Variants in SIK3 observed in about 807,000 individuals in gnomAD.
The protein encoded by SIK3 is serine/threonine-protein kinase SIK3.
A neutral mutation model predicts 144.2 loss-of-function variants in SIK3; 28 were observed. That is an observed-to-expected ratio of 0.19 (90% CI 0.14 to 0.27). The LOEUF is 0.27. Among genes scored for constraint, SIK3 ranks in the 10% least tolerant of loss-of-function variants. The pLI is 1.00. For synonymous variants in SIK3, 686 were observed against 676.3 expected, an observed-to-expected ratio of 1.01 and a Z score of -0.22; for missense variants, 1,319 against 1,776.0, an observed-to-expected ratio of 0.74 and a Z score of 4.62.
At position 117,085,783 on chromosome 11, in the gene SIK3, G is replaced by A. The variant is rs367683379; in HGVS notation, c.273+12360C>T. Among the ~76,000 whole-genome samples the A allele has an allele frequency of 1.6e-4, 24 of 152,104 alleles. No individual in the cohort carries two copies. In the South Asian group the frequency reaches 3.1e-3, roughly 20 times the overall value. ...GCGAACTGCCTGAGCTCAGGAATTC[G>A]AGACCATCCTGGCCAACATGGCGAA... On this transcript the variant is annotated intron_variant, in intron 1 of 24. Coordinates refer to ENST00000445177, the MANE Select transcript of SIK3 (RefSeq NM_001366686.3).
Position 117,049,554 on chromosome 11 carries a change from G to A in SIK3, c.273+48589C>T, listed in dbSNP as rs116196469. 6.7e-3 allele frequency among the ~76,000 whole-genome samples: 1,022 copies of A among 152,140 alleles called. 19 individuals are homozygous for A. Among genetic ancestry groups the A allele is most frequent in the African/African-American group, 0.023 (942 of 41,514 alleles). ...GATCGCGCCACTGCATACCAGCCTAGGTGACACAGCAAGGCTCCATCTCAA... is the reference window on the plus strand; with the variant it reads ...GATCGCGCCACTGCATACCAGCCTAAGTGACACAGCAAGGCTCCATCTCAA... On this transcript the variant is annotated intron_variant, in intron 1 of 24. Transcript: ENST00000445177.
At chr11:117,042,778 G>A (rs150625692) in intron 1 of SIK3, among the ~76,000 whole-genome samples, 14 of 152,160 alleles carry the variant, frequency 9.2e-5, no homozygotes, top group African/African-American at 3.1e-4. Flanking sequence ...GTGCAACAGC[G>A]TGAAGGAAAA....
At chr11:116,973,137 C>A (rs1183785685) in intron 1 of SIK3, among the ~76,000 whole-genome samples, 2 of 152,156 alleles carry the variant, frequency 1.3e-5, no homozygotes, top group Non-Finnish European at 2.9e-5. Context: ...CCTTCTGAGA[C>A]CCTGAGCAGA....
chr11:117,087,345 A>C (rs2134055239), intron 1 of SIK3, among the ~76,000 whole-genome samples: 1 of 152,196 alleles, frequency 6.6e-6, no homozygotes, highest in Admixed American at 6.5e-5. Context: ...AGGGAAGCTG[A>C]GGCAAGAGAA....
At position 117,030,791 on chromosome 11, in the gene SIK3, C is replaced by G. The variant is rs961652622; in HGVS notation, c.273+67352G>C. 5.3e-5 allele frequency among the ~76,000 whole-genome samples: 8 copies of G among 152,196 alleles called. 2 individuals are homozygous for G. Among genetic ancestry groups the G allele is most frequent in the Admixed American group, 5.2e-4 (8 of 15,272 alleles). ...GCTCAGGTGATCCTCCCACCTCAAC[C>G]TCGCAAAGTACTAGGATTACAGGTG... On this transcript the variant is annotated intron_variant, in intron 1 of 24. Transcript: ENST00000445177.
At position 116,896,316 on chromosome 11, in the gene SIK3, G is replaced by A. The variant is rs756275261; in HGVS notation, c.802C>T (p.Leu268=). Residue 268 remains leucine (L), a synonymous_variant, in exon 6 of 25, where the codon CTG becomes TTG. Transcript: ENST00000445177. ...AGCACGCGGGCCCGCAGATTCTGCAGTGTGCTTCCATCAAATGGCAGGGCA... is the reference window on the plus strand; with the variant it reads ...AGCACGCGGGCCCGCAGATTCTGCAATGTGCTTCCATCAAATGGCAGGGCA... The part of the protein sequence containing the change: ...CGALPFDGST[L]QNLRARVLSG... The A allele has an allele frequency of 6.2e-7, 1 of 1,614,076 alleles. No individual in the cohort carries two copies. Among genetic ancestry groups the A allele is most frequent in the Non-Finnish European group, 8.5e-7 (1 of 1,179,968 alleles).
intron 1 of SIK3, among the ~76,000 whole-genome samples, chr11:117,000,090 T>G (rs1324299042): frequency 6.6e-6 from 1 of 152,208 alleles, no homozygotes; most frequent in Non-Finnish European, 1.5e-5. Context: ...TATTAGATAG[T>G]TATAATTTTT....
At chr11:117,007,727 A>G (rs763096330) in intron 1 of SIK3, among the ~76,000 whole-genome samples, 3 of 152,206 alleles carry the variant, frequency 2.0e-5, no homozygotes, top group Admixed American at 2.0e-4. Flanking sequence ...ACATTAGATG[A>G]ACTGTAAGAG....
chr11:116,925,529 G>A (rs1947230073), intron 4 of SIK3, among the ~76,000 whole-genome samples: 1 of 152,206 alleles, frequency 6.6e-6, no homozygotes, highest in Non-Finnish European at 1.5e-5. Context: ...TTCACCCTGT[G>A]AGACCCAGCT....
At chr11:117,032,086 C>T (rs1952287291) in intron 1 of SIK3, among the ~76,000 whole-genome samples, 1 of 152,134 alleles carries the variant, frequency 6.6e-6, no homozygotes, top group African/African-American at 2.4e-5. Flanking sequence ...TGGAGCTATA[C>T]AATAAGTCTT....
At chr11:117,009,987 A>G (rs61905691) in intron 1 of SIK3, among the ~76,000 whole-genome samples, 25,008 of 152,228 alleles carry the variant, frequency 0.16, 2,194 homozygotes, top group Admixed American at 0.21. Context: ...AAAAATTTAA[A>G]AATAACACTA....
At position 116,867,218 on chromosome 11, in the gene SIK3, C is replaced by T. The variant is rs1481165886; in HGVS notation, c.1952+728G>A. On this transcript the variant is annotated intron_variant, in intron 15 of 24. Coordinates refer to ENST00000445177, the MANE Select transcript of SIK3 (RefSeq NM_001366686.3). This position sits in a 1 kb window ranked among gnomAD's most constrained non-coding sequence, Gnocchi z 4.1. Reference sequence around the variant, plus strand: ...TGGGCCATGAGCTTGGGGATAGCTTCGGAGTGGCCAAGACTGAGATTTTTA... The same window carrying T: ...TGGGCCATGAGCTTGGGGATAGCTTTGGAGTGGCCAAGACTGAGATTTTTA... Among the ~76,000 whole-genome samples the T allele has an allele frequency of 2.0e-5, 3 of 152,284 alleles. No individual in the cohort carries two copies. The highest frequency in any genetic ancestry group is 2.1e-4 in the South Asian group (1 of 4,824).
intron 1 of SIK3, among the ~76,000 whole-genome samples, chr11:117,049,745 C>T (rs1483435447): frequency 6.6e-6 from 1 of 152,056 alleles, no homozygotes; most frequent in Non-Finnish European, 1.5e-5. Context: ...CACTTGAAGC[C>T]AGGAGTTTGA....
intron 21 of SIK3, among the ~76,000 whole-genome samples, chr11:116,852,882 G>C (rs1942580350): frequency 6.6e-6 from 1 of 152,186 alleles, no homozygotes; most frequent in East Asian, 1.9e-4. Flanking sequence ...GGAGTCAGGG[G>C]ATACCCCAGG....
chr11:116,983,342 G>A (rs995986322), intron 1 of SIK3, among the ~76,000 whole-genome samples: 1 of 151,486 alleles, frequency 6.6e-6, no homozygotes, highest in Non-Finnish European at 1.5e-5. Context: ...GACAAGCCTG[G>A]ACAACATGCC....
At chr11:116,950,018 G>A (rs970010660) in intron 3 of SIK3, 11 of 445,764 alleles carry the variant, frequency 2.5e-5, no homozygotes, top group Admixed American at 7.3e-5. Flanking sequence ...GAGAGCGGGG[G>A]AGGACAGCAG....
At chr11:117,078,698 C>T (rs1033658983) in intron 1 of SIK3, among the ~76,000 whole-genome samples, 2 of 151,918 alleles carry the variant, frequency 1.3e-5, no homozygotes, top group East Asian at 1.9e-4. Context: ...CCACCACACC[C>T]GGCCTGAGAA....
At chr11:116,910,385 T>G (rs959452481) in intron 4 of SIK3, among the ~76,000 whole-genome samples, 4 of 152,214 alleles carry the variant, frequency 2.6e-5, no homozygotes, top group African/African-American at 9.6e-5. Flanking sequence ...GTTTTAGTAA[T>G]CTTTCAGATA....
intron 1 of SIK3, among the ~76,000 whole-genome samples, chr11:117,023,617 A>ATATATATATATATATATATATATAT (rs1194910685): frequency 1.8e-5 from 2 of 109,172 alleles, no homozygotes. Context: ...AACAAAAAAA[A>ATATATATATATATATATATATATAT]AAAAATATAT....
Sources: allele counts gnomAD v4.1 joint callset (sites outside exome capture counted in the v4.1 genomes callset), GRCh38; gene constraint gnomAD v4.1.1; non-coding constraint Gnocchi (gnomAD v3.1); transcripts MANE v1.5; gene names NCBI Gene and HGNC (gene_info 2026-07-23, HGNC 2026-07-21).